EPB41L2: variants seen among roughly 807,000 people sequenced by gnomAD.
The protein encoded by EPB41L2 is band 4.1-like protein 2.
EPB41L2 carries 43 observed loss-of-function variants against 113.0 expected under a neutral mutation model. The ratio of observed to expected loss-of-function variants is 0.38; its 90% CI spans 0.30 to 0.49. The LOEUF is 0.49. Ranked by LOEUF, EPB41L2 falls within the 20% of genes least tolerant of loss-of-function variation. The probability of loss-of-function intolerance (pLI) is 0.95; values close to 1 mark genes in which losing one functional copy is unlikely to be tolerated. For missense variants in EPB41L2, 1,147 were observed against 1,223.4 expected, an observed-to-expected ratio of 0.94 and a Z score of 0.93; for synonymous variants, 442 against 436.7, an observed-to-expected ratio of 1.01 and a Z score of -0.15.
At chr6:130,937,347 T>A (rs1809165830) in intron 3 of EPB41L2, among the ~76,000 whole-genome samples, 1 of 152,160 alleles carries the variant, frequency 6.6e-6, no homozygotes, top group Non-Finnish European at 1.5e-5. Flanking sequence ...GCAAAGAGGA[T>A]CCCTGTCCCA....
At chr6:130,951,371 C>T (rs927120540) in intron 3 of EPB41L2, among the ~76,000 whole-genome samples, 2 of 125,024 alleles carry the variant, frequency 1.6e-5, no homozygotes, top group East Asian at 5.2e-4. Context: ...GTCGCCCAGG[C>T]TGAAGTACAG....
At chr6:130,842,423 A>G (rs941972471) in intron 19 of EPB41L2, among the ~76,000 whole-genome samples, 1 of 152,166 alleles carries the variant, frequency 6.6e-6, no homozygotes, top group Admixed American at 6.5e-5. Flanking sequence ...GTTATATGAC[A>G]CCTTCAGTCA....
intron 19 of EPB41L2, among the ~76,000 whole-genome samples, chr6:130,851,280 C>G (rs1026933946): frequency 2.0e-5 from 3 of 152,188 alleles, no homozygotes; most frequent in Non-Finnish European, 2.9e-5. Context: ...CTCATCAAGT[C>G]AGCTAGGCAG....
chr6:130,954,482 AAAC>A (rs1816722620), intron 3 of EPB41L2, among the ~76,000 whole-genome samples: 1 of 152,178 alleles, frequency 6.6e-6, no homozygotes, highest in Admixed American at 6.5e-5. Context: ...ATAATCCATT[AAAC>A]AAGATAATCC....
At chr6:131,043,935 T>C (rs1794919862) in intron 1 of EPB41L2, among the ~76,000 whole-genome samples, 1 of 151,892 alleles carries the variant, frequency 6.6e-6, no homozygotes, top group Non-Finnish European at 1.5e-5. Context: ...TGACAGATGT[T>C]AAAGCTGAAT....
intron 19 of EPB41L2, among the ~76,000 whole-genome samples, chr6:130,849,086 G>A (rs1261605086): frequency 1.3e-5 from 2 of 152,154 alleles, no homozygotes; most frequent in African/African-American, 4.8e-5. Context: ...TATGCATAAG[G>A]AGACTGGGCC....
chr6:130,861,166 A>G (rs968370748), intron 18 of EPB41L2, among the ~76,000 whole-genome samples: 5 of 151,312 alleles, frequency 3.3e-5, no homozygotes, highest in African/African-American at 7.3e-5. Flanking sequence ...TCTGCCTCCC[A>G]GGTTCACACC....
rs745575492 is a variant in EPB41L2, at chr6:130,894,404, G to C, written c.1427C>G (p.Pro476Arg). ...QFESTIGFKL[P>R]NHRAAKRLWK... is the part of the protein sequence containing the mutation. The stretch of plus-strand genomic sequence containing the variant: ...TAGTCTTTTCGCTGCCCGGTGGTTT[G>C]GCAGTTTGAATCCAATGGTACTCTC... Residue 476 changes from proline to arginine, a missense_variant, in exon 10 of 20, where the codon CCA (proline) becomes CGA (arginine). Coordinates refer to ENST00000337057, the MANE Select transcript of EPB41L2 (RefSeq NM_001431.4). 4 of 1,613,732 alleles carry C rather than the reference G, an allele frequency of 2.5e-6. No homozygotes were observed. The South Asian group carries it at 3.3e-5, about 13-fold the overall frequency.
chr6:130,977,941 T>A (rs762560587), intron 1 of EPB41L2, among the ~76,000 whole-genome samples: 53 of 152,334 alleles, frequency 3.5e-4, no homozygotes, highest in Middle Eastern at 6.8e-3. Flanking sequence ...CCCCTAAAAG[T>A]GGTGGAAGGT....
chr6:131,033,242 A>G (rs187940704), intron 1 of EPB41L2, among the ~76,000 whole-genome samples: 23 of 152,292 alleles, frequency 1.5e-4, no homozygotes, highest in Non-Finnish European at 2.6e-4. Context: ...AGAGAGAGAA[A>G]GAAAGAAGGG....
In EPB41L2 at chr6:130,890,393, T is replaced by G. The variant is rs1390193577; in HGVS notation, c.1561A>C (p.Thr521Pro). The change falls in exon 11 of 20, where the codon ACC becomes CCC. Residue 521 changes from threonine (T) to proline (P), a missense_variant. Transcript: ENST00000337057. ...LGSKFRYSGRTQAQTRQASTL... is the reference protein window; with the variant it reads ...LGSKFRYSGRPQAQTRQASTL... ...CTGGCCTGGCGGGTCTGTGCTTGGG[T>G]GCGGCCACTATAGCGAAATTTGGAC... The G allele has an allele frequency of 1.2e-6, 2 of 1,612,126 alleles. No individual in the cohort carries two copies. The highest frequency in any genetic ancestry group is 1.7e-6 in the Non-Finnish European group (2 of 1,179,750).
intron 14 of EPB41L2, among the ~76,000 whole-genome samples, chr6:130,872,814 C>T (rs1390773287): frequency 6.6e-6 from 1 of 152,136 alleles, no homozygotes; most frequent in African/African-American, 2.4e-5. Flanking sequence ...AACCGACCCA[C>T]CCAAACGCCA....
chr6:130,981,538 GA>G (rs1388020284), intron 1 of EPB41L2, among the ~76,000 whole-genome samples: 1 of 152,148 alleles, frequency 6.6e-6, no homozygotes, highest in Admixed American at 6.5e-5. Flanking sequence ...TTATAGGGTT[GA>G]ATCCTTTCCA....
chr6:130,846,832 A>G (rs1202183355), intron 19 of EPB41L2, among the ~76,000 whole-genome samples: 1 of 152,226 alleles, frequency 6.6e-6, no homozygotes, highest in African/African-American at 2.4e-5. Context: ...CTGACTGAAA[A>G]GCAAAAAAAT....
At chr6:130,975,855 C>G (rs889777109) in intron 1 of EPB41L2, among the ~76,000 whole-genome samples, 3 of 152,052 alleles carry the variant, frequency 2.0e-5, no homozygotes, top group Admixed American at 1.3e-4. Context: ...AAAACCCCGT[C>G]TCTACTAAAA....
At chr6:130,974,717 C>CTTTT (rs71030723) in intron 1 of EPB41L2, among the ~76,000 whole-genome samples, 6,333 of 64,472 alleles carry the variant, frequency 0.098, 751 homozygotes, top group Non-Finnish European at 0.13. Context: ...CTTTTCTTTT[C>CTTTT]TTTTTTTTTT....
chr6:130,946,948 G>A (rs550123050), intron 3 of EPB41L2, among the ~76,000 whole-genome samples: 1 of 150,558 alleles, frequency 6.6e-6, no homozygotes, highest in East Asian at 1.9e-4. Context: ...TGTTCTAATC[G>A]CATCACAAAA....
chr6:130,893,496 G>A (rs184233452), intron 10 of EPB41L2, among the ~76,000 whole-genome samples: 286 of 152,316 alleles, frequency 1.9e-3, no homozygotes, highest in Middle Eastern at 3.4e-3. Context: ...AGGGACTCAC[G>A]AGGACCATGA....
At chr6:130,853,116 T>C (rs546433361) in intron 19 of EPB41L2, among the ~76,000 whole-genome samples, 1 of 152,310 alleles carries the variant, frequency 6.6e-6, no homozygotes, top group East Asian at 1.9e-4. Flanking sequence ...CAGCAGACGA[T>C]ACCCAGTGGG....
Sources: allele counts gnomAD v4.1 joint callset (sites outside exome capture counted in the v4.1 genomes callset), GRCh38; gene constraint gnomAD v4.1.1; transcripts MANE v1.5; gene names NCBI Gene and HGNC (gene_info 2026-07-23, HGNC 2026-07-21).